The following PXDNL variants were observed in gnomAD, a reference collection of about 807,000 sequenced individuals.
PXDNL encodes the protein probable oxidoreductase PXDNL.
A neutral mutation model predicts 150.8 loss-of-function variants in PXDNL; 145 were observed. The ratio of observed to expected loss-of-function variants is 0.96; its 90% CI spans 0.84 to 1.10. The LOEUF (loss-of-function observed/expected upper bound fraction) is 1.10, where lower values mean the gene tolerates loss of function less well. Among genes scored for constraint, PXDNL ranks in the 50% least tolerant of loss-of-function variants. PXDNL has a pLI of 0.00. For missense variants in PXDNL, 2,087 were observed against 1,873.9 expected, an observed-to-expected ratio of 1.11 and a Z score of -2.10; for synonymous variants, 757 against 725.7, an observed-to-expected ratio of 1.04 and a Z score of -0.69.
At chr8:51,625,896 G>A (rs745421639) in intron 2 of PXDNL, among the ~76,000 whole-genome samples, 3 of 152,132 alleles carry the variant, frequency 2.0e-5, no homozygotes, top group African/African-American at 4.8e-5. Flanking sequence ...ACAGCCAAGC[G>A]AAGATTTAAA....
chr8:51,402,938 A>AC (rs1563394012), intron 17 of PXDNL, among the ~76,000 whole-genome samples: 13 of 137,300 alleles, frequency 9.5e-5, no homozygotes, highest in Non-Finnish European at 1.9e-4. Flanking sequence ...CACACACACA[A>AC]AATTAGCCGG....
rs556330040 is a variant in PXDNL, at chr8:51,369,919, C to T, written c.3901+1954G>A. ...TTAAATAACCAGAGGAGCCCTCCTC[C>T]GAGTCTTCAACATGGAACAATGGCA... On this transcript the variant is annotated intron_variant, in intron 19 of 22. Transcript: ENST00000356297. Among the ~76,000 whole-genome samples the T allele has an allele frequency of 2.0e-5, 3 of 152,236 alleles. No individual in the cohort carries two copies. The East Asian group carries it at 5.8e-4, about 29-fold the overall frequency.
chr8:51,440,354 CA>C (rs771907398), intron 12 of PXDNL, among the ~76,000 whole-genome samples: 96 of 151,902 alleles, frequency 6.3e-4, no homozygotes, highest in Non-Finnish European at 1.2e-3. Context: ...ATGGGTGCAC[CA>C]AAATCTCAGA....
chr8:51,346,717 C>A (rs1206657624), intron 19 of PXDNL, among the ~76,000 whole-genome samples: 1 of 152,120 alleles, frequency 6.6e-6, no homozygotes, highest in African/African-American at 2.4e-5. Context: ...CTCCCGTACT[C>A]TCTTGCTCCC....
chr8:51,614,757 C>G (rs1454001706), intron 2 of PXDNL, among the ~76,000 whole-genome samples: 5 of 151,744 alleles, frequency 3.3e-5, no homozygotes, highest in African/African-American at 9.7e-5. Context: ...TGACATAGTA[C>G]AAGAATTTAA....
chr8:51,528,937 C>T (rs949201610), intron 4 of PXDNL, among the ~76,000 whole-genome samples: 1 of 152,106 alleles, frequency 6.6e-6, no homozygotes, highest in Non-Finnish European at 1.5e-5. Flanking sequence ...CCAGGCAAGA[C>T]CCACATGGAA....
rs192715617 is a variant in PXDNL, at chr8:51,645,997, A to G, written c.236+8692T>C. ...AGAAGAGGAAAGACAGAGGGAAAGG[A>G]AAACAAGAGCCAAGCAATGAGTTAG... On this transcript the variant is annotated intron_variant, in intron 2 of 22. Coordinates refer to ENST00000356297, the MANE Select transcript of PXDNL (RefSeq NM_144651.5). Among the ~76,000 whole-genome samples, 385 of 152,254 alleles carry G rather than the reference A, an allele frequency of 2.5e-3. 9 individuals are homozygous for G. Among genetic ancestry groups the G allele is most frequent in the Admixed American group, 0.024 (373 of 15,288 alleles).
chr8:51,611,399 T>C (rs1813996858), intron 2 of PXDNL, among the ~76,000 whole-genome samples: 1 of 152,208 alleles, frequency 6.6e-6, no homozygotes, highest in South Asian at 2.1e-4. Context: ...TACACGAGTG[T>C]TTATTATATT....
At chr8:51,357,970 G>T (rs201577933) in intron 19 of PXDNL, among the ~76,000 whole-genome samples, 2 of 152,194 alleles carry the variant, frequency 1.3e-5, no homozygotes, top group Non-Finnish European at 2.9e-5. Flanking sequence ...CATGCAGCAT[G>T]AAGAAACTAG....
intron 4 of PXDNL, among the ~76,000 whole-genome samples, chr8:51,541,236 G>A (rs549679547): frequency 2.7e-4 from 37 of 139,206 alleles, no homozygotes; most frequent in African/African-American, 6.7e-4. Context: ...CCGGCCTGGC[G>A]ACAGAGTGAG....
rs1815674513 is a variant in PXDNL, at chr8:51,678,448, C to A, written c.165-23688G>T. 2.0e-5 allele frequency among the ~76,000 whole-genome samples: 3 copies of A among 152,016 alleles called. No homozygotes were observed. In the South Asian group the frequency reaches 6.2e-4, roughly 32 times the overall value. On this transcript the variant is annotated intron_variant, in intron 1 of 22. Coordinates refer to ENST00000356297, the MANE Select transcript of PXDNL (RefSeq NM_144651.5). ...TTTATTGCGGCACTATTCACAATAGCAAAGACTTGGAACCAACCCAGATGT... is the reference window on the plus strand; with the variant it reads ...TTTATTGCGGCACTATTCACAATAGAAAAGACTTGGAACCAACCCAGATGT...
chr8:51,372,171 G>T (rs1424110561), intron 18 of PXDNL, 90 bp from the exon 19 acceptor site: 3 of 869,528 alleles, frequency 3.5e-6, no homozygotes, highest in Non-Finnish European at 5.4e-6. Flanking sequence ...ACCAAGAAGA[G>T]CTCAACATAA....
chr8:51,339,967 T>C (rs889287002), intron 20 of PXDNL: 4 of 400,472 alleles, frequency 1.0e-5, no homozygotes, highest in Non-Finnish European at 1.8e-5. Flanking sequence ...CTGGTTCATG[T>C]AATTTATCTA....
chr8:51,605,419 T>A (rs1389389766), intron 2 of PXDNL, among the ~76,000 whole-genome samples: 1 of 151,792 alleles, frequency 6.6e-6, no homozygotes, highest in East Asian at 1.9e-4. Context: ...TTATGTAATT[T>A]TAAAAGAAAA....
chr8:51,802,483 T>A (rs1445819911), intron 1 of PXDNL, among the ~76,000 whole-genome samples: 1 of 152,218 alleles, frequency 6.6e-6, no homozygotes, highest in Non-Finnish European at 1.5e-5. Flanking sequence ...GTGAATTTTT[T>A]TTCAGGTTAT....
chr8:51,680,392 T>G (rs1157465736), intron 1 of PXDNL, among the ~76,000 whole-genome samples: 7 of 152,178 alleles, frequency 4.6e-5, no homozygotes. Context: ...CAATGAAGTT[T>G]ATATCTAATA....
chr8:51,404,191 T>C (rs138571609), intron 17 of PXDNL, among the ~76,000 whole-genome samples: 41 of 152,320 alleles, frequency 2.7e-4, no homozygotes, highest in East Asian at 2.1e-3. Context: ...GCAGCAATAT[T>C]TATCGCAAAG....
intron 4 of PXDNL, among the ~76,000 whole-genome samples, chr8:51,535,741 A>T (rs1812059849): frequency 2.0e-5 from 3 of 147,314 alleles, no homozygotes; most frequent in South Asian, 4.3e-4. Context: ...AAATAAATAA[A>T]AATAAAGTTT....
At chr8:51,499,493 C>T (rs1464838468) in intron 5 of PXDNL, among the ~76,000 whole-genome samples, 1 of 152,106 alleles carries the variant, frequency 6.6e-6, no homozygotes, top group South Asian at 2.1e-4. Context: ...TCTCTTTTGC[C>T]CTGTTTTTCA....
Sources: allele counts gnomAD v4.1 joint callset (sites outside exome capture counted in the v4.1 genomes callset), GRCh38; gene constraint gnomAD v4.1.1; transcripts MANE v1.5; gene names NCBI Gene and HGNC (gene_info 2026-07-23, HGNC 2026-07-21).